DCLK2: variants seen among roughly 807,000 people sequenced by gnomAD.
The protein encoded by DCLK2 is serine/threonine-protein kinase DCLK2.
DCLK2 carries 31 observed loss-of-function variants against 78.4 expected under a neutral mutation model. The observed-to-expected ratio is 0.40, with a 90% CI of 0.30 to 0.53. DCLK2 has a LOEUF of 0.53. DCLK2 is among the 20% of genes least tolerant of loss of function. The probability of loss-of-function intolerance (pLI) is 0.61; values close to 1 mark genes in which losing one functional copy is unlikely to be tolerated. For synonymous variants in DCLK2, 407 were observed against 374.9 expected (o/e 1.09, Z -0.99); for missense variants, 872 against 973.7 (o/e 0.90, Z 1.39).
In DCLK2 at chr4:150,174,050, C is replaced by G. The variant is rs1461250993; in HGVS notation, c.757-19088C>G. Among the ~76,000 whole-genome samples, 7 of 152,230 alleles carry G rather than the reference C, an allele frequency of 4.6e-5. No homozygotes were observed. The South Asian group carries it at 1.2e-3, about 27-fold the overall frequency. On this transcript the variant is annotated intron_variant, in intron 2 of 15. Transcript: ENST00000296550. ...ACATGAATTGCTAACAGTAGCAGTCCTCAGACACCGCACTTTAGTGATACC... is the reference window on the plus strand; with the variant it reads ...ACATGAATTGCTAACAGTAGCAGTCGTCAGACACCGCACTTTAGTGATACC...
chr4:150,207,983 G>A (rs1356175089), intron 5 of DCLK2, among the ~76,000 whole-genome samples: 1 of 152,166 alleles, frequency 6.6e-6, no homozygotes, highest in East Asian at 1.9e-4. Flanking sequence ...GGCATCAGCA[G>A]ATGGAAGAGT....
chr4:150,105,016 TGGAAAAATA>T (rs1034043619), intron 2 of DCLK2, among the ~76,000 whole-genome samples: 6 of 152,168 alleles, frequency 3.9e-5, no homozygotes, highest in African/African-American at 1.4e-4. Flanking sequence ...GAATTTAATC[TGGAAAAATA>T]GGAAAATTTT....
At position 150,084,957 on chromosome 4, in the gene DCLK2, C is replaced by T. The variant is rs146884453; in HGVS notation, c.421+5509C>T. 1.2e-3 allele frequency among the ~76,000 whole-genome samples: 183 copies of T among 152,222 alleles called. 2 individuals carry two copies. The East Asian group carries it at 0.028, about 23-fold the overall frequency. ...ATGCTTTTCTTCTCTGCATTGCTAC[C>T]ATTTACTAGATGTTTTATGAGCAGT... is the stretch of plus-strand genomic sequence containing the variant. On this transcript the variant is annotated intron_variant, in intron 1 of 15. Transcript: ENST00000296550.
At chr4:150,196,667 C>CAAAA (rs11381700) in intron 3 of DCLK2, among the ~76,000 whole-genome samples, 1 of 146,692 alleles carries the variant, frequency 6.8e-6, no homozygotes. Flanking sequence ...TTCACTGGGG[C>CAAAA]AAAAAAAAAA....
At chr4:150,163,207 G>A (rs1735830065) in intron 2 of DCLK2, among the ~76,000 whole-genome samples, 2 of 152,048 alleles carry the variant, frequency 1.3e-5, no homozygotes, top group South Asian at 4.1e-4. Flanking sequence ...AGACCAGCCT[G>A]GCCAACATGG....
chr4:150,190,457 C>G (rs1199786860), intron 2 of DCLK2, among the ~76,000 whole-genome samples: 1 of 152,124 alleles, frequency 6.6e-6, no homozygotes, highest in African/African-American at 2.4e-5. Flanking sequence ...ATACCATGGA[C>G]TATTCAGCTA....
chr4:150,222,607 A>G (rs1741268818), intron 7 of DCLK2, among the ~76,000 whole-genome samples: 1 of 152,014 alleles, frequency 6.6e-6, no homozygotes, highest in Admixed American at 6.6e-5. Context: ...GCACTTTGGG[A>G]GGCTGAGGTG....
In DCLK2 at chr4:150,232,713, C is replaced by T. The variant is rs138420599; in HGVS notation, c.1451C>T (p.Ser484Leu). 2.9e-5 allele frequency: 46 copies of T among 1,612,608 alleles called. No homozygotes were observed. The East Asian group carries it at 4.9e-4, about 17-fold the overall frequency. Residue 484 changes from serine to leucine, a missense_variant, in exon 10 of 16, where the codon TCG becomes TTG. Physicochemically the swap from Ser to Leu is moderately radical, Grantham distance 145. Coordinates refer to ENST00000296550, the MANE Select transcript of DCLK2 (RefSeq NM_001040260.4). ...GGDLFDAITS[S>L]TKYTERDGSA... The stretch of plus-strand genomic sequence containing the variant: ...GATCTCTTTGATGCAATTACTTCGT[C>T]GACCAAGTACACTGAGAGAGATGGC...
intron 12 of DCLK2, among the ~76,000 whole-genome samples, chr4:150,245,740 G>A (rs1384465003): frequency 6.6e-6 from 1 of 152,086 alleles, no homozygotes; most frequent in Non-Finnish European, 1.5e-5. Context: ...GTGTATATGT[G>A]CCACATTTTC....
intron 2 of DCLK2, among the ~76,000 whole-genome samples, chr4:150,160,515 CA>C (rs1735630801): frequency 6.6e-6 from 1 of 152,116 alleles, no homozygotes; most frequent in South Asian, 2.1e-4. Flanking sequence ...ATTAAAAACC[CA>C]AAACTCAAGG....
In DCLK2 at chr4:150,082,017, AAAG is replaced by A. The variant is rs1411335323; in HGVS notation, c.421+2572_421+2574del. ...TGTCTCAAAAAAAAAAAAAAAAAGA[AAAG>A]AAAAAAAGAAAAAGAATCACGAATG... On this transcript the variant is annotated intron_variant, in intron 1 of 15. Transcript: ENST00000296550. 1.8e-3 allele frequency among the ~76,000 whole-genome samples: 279 copies of A among 151,792 alleles called. 2 individuals carry two copies. The highest frequency in any genetic ancestry group is 6.4e-3 in the African/African-American group (263 of 41,392).
intron 5 of DCLK2, among the ~76,000 whole-genome samples, chr4:150,205,272 A>G (rs1453054470): frequency 2.0e-5 from 3 of 152,134 alleles, no homozygotes; most frequent in South Asian, 2.1e-4. Flanking sequence ...TTGTTCTCCA[A>G]TTGACTGTAA....
chr4:150,184,092 T>C (rs1236973387), intron 2 of DCLK2, among the ~76,000 whole-genome samples: 2 of 152,234 alleles, frequency 1.3e-5, no homozygotes, highest in Non-Finnish European at 2.9e-5. Context: ...GCCTATATGC[T>C]AGGTGCTATG....
At position 150,249,836 on chromosome 4, in the gene DCLK2, C is replaced by T. The variant is rs764973998; in HGVS notation, c.2073+152C>T. On this transcript the variant is annotated intron_variant, in intron 15 of 15. Coordinates refer to ENST00000296550, the MANE Select transcript of DCLK2 (RefSeq NM_001040260.4). ...GCTTGGCATGTGGAGGGCACTCATT[C>T]GGCAACTCCCAGGCTTTGGGCACTG... 155 of 681,408 alleles carry T rather than the reference C, an allele frequency of 2.3e-4. 1 individual carries two copies. Among genetic ancestry groups the T allele is most frequent in the Middle Eastern group, 4.1e-4 (1 of 2,442 alleles). 42.2% of individuals were successfully genotyped at this position (681,408 alleles called of 1,614,324 possible).
chr4:150,154,610 A>G (rs1735127684), intron 2 of DCLK2, among the ~76,000 whole-genome samples: 1 of 152,172 alleles, frequency 6.6e-6, no homozygotes, highest in Non-Finnish European at 1.5e-5. Context: ...TAATATTATT[A>G]CCATGTGCCT....
chr4:150,134,103 C>T (rs1448164110), intron 2 of DCLK2, among the ~76,000 whole-genome samples: 10 of 85,482 alleles, frequency 1.2e-4, no homozygotes, highest in East Asian at 5.8e-4. Flanking sequence ...TTTTTTGAGA[C>T]GGAGTCTTGC....
chr4:150,105,744 C>T (rs1731208178), intron 2 of DCLK2, among the ~76,000 whole-genome samples: 1 of 151,876 alleles, frequency 6.6e-6, no homozygotes, highest in Admixed American at 6.6e-5. Context: ...ATGTACTGGC[C>T]ATTGAAAATT....
intron 1 of DCLK2, among the ~76,000 whole-genome samples, chr4:150,084,996 A>G (rs1056701104): frequency 6.6e-6 from 1 of 152,210 alleles, no homozygotes; most frequent in Non-Finnish European, 1.5e-5. Flanking sequence ...TGTGTGAGGT[A>G]CTTTACATAT....
intron 10 of DCLK2, among the ~76,000 whole-genome samples, chr4:150,238,650 T>C (rs17688397): frequency 0.032 from 4,837 of 152,268 alleles, 177 homozygotes; most frequent in East Asian, 0.14. Context: ...TTATTTTTTC[T>C]CATCTGATTA....
Sources: allele counts gnomAD v4.1 joint callset (sites outside exome capture counted in the v4.1 genomes callset), GRCh38; gene constraint gnomAD v4.1.1; transcripts MANE v1.5; gene names NCBI Gene and HGNC (gene_info 2026-07-23, HGNC 2026-07-21).